The following TENM1 variants were observed in gnomAD, a reference collection of about 807,000 sequenced individuals.
The protein encoded by TENM1 is teneurin-1.
Under a neutral mutation model 174.8 loss-of-function variants are expected in TENM1, and 35 were observed. The observed-to-expected ratio is 0.20, with a 90% CI of 0.15 to 0.27. The LOEUF (loss-of-function observed/expected upper bound fraction) is 0.27. TENM1 is among the 10% of genes least tolerant of loss of function. The probability of loss-of-function intolerance (pLI) is 1.00; values close to 1 mark genes in which losing one functional copy is unlikely to be tolerated. For missense variants in TENM1, 1,633 were observed against 2,130.1 expected (o/e 0.77, Z 4.59); for synonymous variants, 781 against 798.7 (o/e 0.98, Z 0.37).
chrX:124,935,789 T>G (rs1237153209), intron 1 of TENM1, among the ~76,000 whole-genome samples: 1 of 112,505 alleles, frequency 8.9e-6, no homozygotes, highest in East Asian at 2.8e-4. Flanking sequence ...AAAACAGAAT[T>G]CTTGATTTCT....
At chrX:125,173,810 G>A in the TENM1 span, among the ~76,000 whole-genome samples, 244 of 111,730 alleles carry the variant, frequency 2.2e-3, 1 homozygote, top group African/African-American at 7.7e-3. Context: ...GAGGCAGGAG[G>A]TAACCTGCAC....
chrX:125,182,456 G>A, the TENM1 span, among the ~76,000 whole-genome samples: 10 of 87,614 alleles, frequency 1.1e-4, 1 homozygote, highest in South Asian at 1.6e-3. Context: ...CGGCGGGCGG[G>A]GGGGGGGGCA....
intron 5 of TENM1, among the ~76,000 whole-genome samples, chrX:124,687,031 C>T (rs1390064591): frequency 9.0e-6 from 1 of 111,302 alleles, no homozygotes; most frequent in Non-Finnish European, 1.9e-5. Flanking sequence ...TCGTCTCAGC[C>T]CCAAAACTCC....
At chrX:124,437,306 G>A (rs1197251592) in intron 23 of TENM1, among the ~76,000 whole-genome samples, 1 of 109,351 alleles carries the variant, frequency 9.1e-6, no homozygotes, top group African/African-American at 3.3e-5. Flanking sequence ...AAGGATAGAG[G>A]AACAGCAATA....
chrX:124,434,795 C>A (rs1255429250), intron 23 of TENM1, among the ~76,000 whole-genome samples: 1 of 111,979 alleles, frequency 8.9e-6, no homozygotes, highest in Non-Finnish European at 1.9e-5. Context: ...ACATATTGTA[C>A]ATGATGCTAC....
chrX:124,496,490 T>C (rs967719388), intron 20 of TENM1, among the ~76,000 whole-genome samples: 2 of 111,948 alleles, frequency 1.8e-5, no homozygotes, highest in African/African-American at 6.5e-5. Context: ...TAAAGATAAA[T>C]GCTTTAATTA....
chrX:124,709,673 G>GT (rs2052997449), intron 4 of TENM1, among the ~76,000 whole-genome samples: 1 of 110,253 alleles, frequency 9.1e-6, no homozygotes, highest in Non-Finnish European at 1.9e-5. Context: ...CCAAAATAGT[G>GT]TATTTACATT....
At chrX:124,515,819 T>G (rs1262350541) in intron 18 of TENM1, among the ~76,000 whole-genome samples, 2 of 107,368 alleles carry the variant, frequency 1.9e-5, no homozygotes, top group Non-Finnish European at 3.9e-5. Flanking sequence ...ACCAATGACA[T>G]TCTTCCCAGA....
chrX:124,492,456 T>C (rs2047089529), intron 20 of TENM1, among the ~76,000 whole-genome samples: 1 of 111,104 alleles, frequency 9.0e-6, no homozygotes, highest in African/African-American at 3.3e-5. Flanking sequence ...AAATTATATG[T>C]ACAATGTACA....
At chrX:124,534,266 T>C (rs776083049) in intron 15 of TENM1, among the ~76,000 whole-genome samples, 99 of 111,946 alleles carry the variant, frequency 8.8e-4, no homozygotes, top group Non-Finnish European at 1.2e-3. Flanking sequence ...AACAAGCTGC[T>C]TGTTAGACAG....
intron 3 of TENM1, among the ~76,000 whole-genome samples, chrX:124,801,973 T>TAG (rs1454096520): frequency 4.5e-5 from 5 of 111,906 alleles, no homozygotes; most frequent in African/African-American, 1.6e-4. Context: ...TCTGATAGGC[T>TAG]TCTCTTTGAA....
At chrX:124,616,297 A>C (rs1250997548) in intron 11 of TENM1, among the ~76,000 whole-genome samples, 3 of 112,996 alleles carry the variant, frequency 2.7e-5, no homozygotes, top group Non-Finnish European at 3.7e-5. Context: ...CGTTCTGAGA[A>C]GACTGAACAA....
intron 23 of TENM1, among the ~76,000 whole-genome samples, chrX:124,428,755 A>G: frequency 8.9e-6 from 1 of 112,053 alleles, no homozygotes; most frequent in Non-Finnish European, 1.9e-5. Context: ...AGACCTTTAG[A>G]GCTAGGAGGA....
intron 25 of TENM1, among the ~76,000 whole-genome samples, chrX:124,417,367 C>T (rs1196502021): frequency 2.7e-5 from 3 of 110,979 alleles, no homozygotes; most frequent in South Asian, 3.9e-4. Flanking sequence ...CCCGCCACCA[C>T]ACCCAGCTAA....
At chrX:125,135,732 T>G in the TENM1 span, among the ~76,000 whole-genome samples, 2 of 112,049 alleles carry the variant, frequency 1.8e-5, no homozygotes, top group Non-Finnish European at 3.8e-5. Context: ...AAAAGAAAAG[T>G]GTAGAGTATC....
chrX:124,725,151 C>A (rs904503769), intron 4 of TENM1, among the ~76,000 whole-genome samples: 1 of 111,080 alleles, frequency 9.0e-6, no homozygotes, highest in African/African-American at 3.3e-5. Context: ...TGACTCCTCT[C>A]CCCGTTTTCC....
intron 11 of TENM1, among the ~76,000 whole-genome samples, chrX:124,588,519 A>G (rs2049617669): frequency 9.4e-6 from 1 of 106,324 alleles, no homozygotes; most frequent in Non-Finnish European, 1.9e-5. Flanking sequence ...AGGAAGGGGA[A>G]CATCACACTC....
intron 18 of TENM1, among the ~76,000 whole-genome samples, chrX:124,514,591 T>C (rs1198534337): frequency 1.8e-5 from 2 of 110,748 alleles, no homozygotes; most frequent in Non-Finnish European, 3.8e-5. Flanking sequence ...GATTAATAAA[T>C]TCATGGACAT....
At chrX:124,735,378 T>A (rs1057348298) in intron 4 of TENM1, among the ~76,000 whole-genome samples, 6 of 111,950 alleles carry the variant, frequency 5.4e-5, no homozygotes, top group Non-Finnish European at 1.1e-4. Flanking sequence ...ATCAGAGAAA[T>A]GCAAATTAAG....
Sources: gnomAD v4.1 joint callset for allele counts (sites outside exome capture counted in the v4.1 genomes callset) on GRCh38, gnomAD v4.1.1 for gene constraint, MANE v1.5 for transcripts, NCBI Gene and HGNC (gene_info 2026-07-23, HGNC 2026-07-21) for gene names.